The following NLRC4 variants were observed in gnomAD, a reference collection of about 807,000 sequenced individuals.
NLRC4 encodes NLR family CARD domain-containing protein 4.
Under a neutral mutation model 79.9 loss-of-function variants are expected in NLRC4, and 63 were observed. That is an observed-to-expected ratio of 0.79 (90% CI 0.64 to 0.97). NLRC4 has a LOEUF of 0.97. Ranked by LOEUF, NLRC4 falls within the 50% of genes least tolerant of loss-of-function variation. The pLI is 0.00. For synonymous variants in NLRC4, 461 were observed against 456.5 expected (o/e 1.01, Z -0.12); for missense variants, 1,074 against 1,215.2 (o/e 0.88, Z 1.73).
At chr2:32,243,889 T>C (rs1332488647) in intron 4 of NLRC4, among the ~76,000 whole-genome samples, 3 of 151,804 alleles carry the variant, frequency 2.0e-5, no homozygotes, top group Non-Finnish European at 2.9e-5. Flanking sequence ...ATCCATATAA[T>C]TCATTATATT....
In NLRC4 at chr2:32,243,238, G is replaced by A. The variant is rs141251725; in HGVS notation, c.2258-2113C>T. Among the ~76,000 whole-genome samples, 1,016 of 151,264 alleles carry A rather than the reference G, an allele frequency of 6.7e-3. 15 individuals are homozygous for A. Among genetic ancestry groups the A allele is most frequent in the African/African-American group, 0.024 (978 of 41,182 alleles). ...AGCCTGGCCAACATGGTGAAACTCCGTCTCTACTAAAAATACAAAAAATCA... is the reference window on the plus strand; with the variant it reads ...AGCCTGGCCAACATGGTGAAACTCCATCTCTACTAAAAATACAAAAAATCA... On this transcript the variant is annotated intron_variant, in intron 4 of 8. Transcript: ENST00000402280.
chr2:32,262,652 T>C (rs1687378521), intron 1 of NLRC4, among the ~76,000 whole-genome samples: 1 of 152,044 alleles, frequency 6.6e-6, no homozygotes, highest in Admixed American at 6.6e-5. Context: ...GGTGCACACC[T>C]GTAATCCCAG....
intron 1 of NLRC4, among the ~76,000 whole-genome samples, chr2:32,257,341 C>T (rs1416334421): frequency 1.3e-5 from 2 of 152,180 alleles, no homozygotes; most frequent in East Asian, 3.9e-4. Context: ...GGCGCGGTGG[C>T]TCACGCCTGT....
At chr2:32,231,496 A>C (rs1686531558) in intron 8 of NLRC4, among the ~76,000 whole-genome samples, 1 of 143,692 alleles carries the variant, frequency 7.0e-6, no homozygotes, top group Non-Finnish European at 1.5e-5. Flanking sequence ...GTCCTTTATT[A>C]GATAATGTGA....
At chr2:32,226,384 G>A (rs1401295715) in intron 8 of NLRC4, among the ~76,000 whole-genome samples, 2 of 152,200 alleles carry the variant, frequency 1.3e-5, no homozygotes, top group Non-Finnish European at 2.9e-5. Flanking sequence ...ATAAGGTCTT[G>A]AGTTTCGAAA....
intron 4 of NLRC4, among the ~76,000 whole-genome samples, chr2:32,248,380 G>A (rs1686987868): frequency 1.3e-5 from 2 of 152,130 alleles, no homozygotes; most frequent in South Asian, 4.1e-4. Flanking sequence ...TGTATGGTTT[G>A]AACACAACTC....
chr2:32,239,509 C>G (rs1686748043), intron 5 of NLRC4, among the ~76,000 whole-genome samples: 1 of 152,096 alleles, frequency 6.6e-6, no homozygotes, highest in Non-Finnish European at 1.5e-5. Context: ...TAATTATAAA[C>G]TTGGGCAAGT....
rs373671221 is a variant in NLRC4 at position 32,243,664 on chromosome 2, G to A, written c.2258-2539C>T. ...AAAATACAAAAATTAGCTGGGCGTG[G>A]TGGCGCGCCTGTAGTCCCAGCTACT... On this transcript the variant is annotated intron_variant, in intron 4 of 8. Coordinates refer to ENST00000402280, the MANE Select transcript of NLRC4 (RefSeq NM_001199138.2). Among the ~76,000 whole-genome samples the A allele has an allele frequency of 2.4e-4, 36 of 151,336 alleles. 1 individual carries two copies. The East Asian group carries it at 4.1e-3, about 17-fold the overall frequency.
At chr2:32,227,478 A>G (rs1686431682) in intron 8 of NLRC4, among the ~76,000 whole-genome samples, 1 of 152,136 alleles carries the variant, frequency 6.6e-6, no homozygotes, top group East Asian at 1.9e-4. Flanking sequence ...GCTTCCCAGC[A>G]TGGCATGCAC....
chr2:32,225,451 A>C (rs1054124620), intron 8 of NLRC4, among the ~76,000 whole-genome samples: 4 of 151,844 alleles, frequency 2.6e-5, no homozygotes, highest in African/African-American at 9.7e-5. Context: ...GTGTGTATAC[A>C]TACACAAATA....
Position 32,250,858 on chromosome 2 carries a change from T to A in NLRC4, c.1006A>T (p.Lys336Ter), listed in dbSNP as rs779104105. The A allele has an allele frequency of 5.6e-6, 9 of 1,614,194 alleles. 1 individual carries two copies. In the South Asian group the frequency reaches 9.9e-5, roughly 18 times the overall value. The change falls in exon 4 of 9, where the codon AAG becomes TAG. Residue 336 changes from lysine to a stop codon, truncating the protein, a stop_gained. Transcript: ENST00000402280. LOFTEE classifies it high-confidence loss of function. The surrounding 1 kb of genome is among the most constrained non-coding windows in gnomAD (Gnocchi z 4.9). ...QKSRCLRNLM[K>*]TPLFVVITCA... ...GTGATGACCACAAAGAGAGGGGTCT[T>A]CATGAGATTCCTCAAGCACCTGGAT...
Position 32,238,128 on chromosome 2 carries a change from T to G in NLRC4, c.2521+4A>C. On this transcript the variant is annotated splice_donor_region_variant and intron_variant, in intron 6 of 8. Transcript: ENST00000402280. ...CTCATTCAGTTAATGGAAGCAACAGTTACCTAGGATTTTCACTGCATTTGC... is the reference window on the plus strand; with the variant it reads ...CTCATTCAGTTAATGGAAGCAACAGGTACCTAGGATTTTCACTGCATTTGC... 1 of 1,611,882 alleles carries G rather than the reference T, an allele frequency of 6.2e-7. No individual in the cohort carries two copies. The highest frequency in any genetic ancestry group is 1.1e-5 in the South Asian group (1 of 90,754).
At chr2:32,261,315 C>T (rs79698160) in intron 1 of NLRC4, among the ~76,000 whole-genome samples, 10,532 of 81,498 alleles carry the variant, frequency 0.13, 776 homozygotes, top group Middle Eastern at 0.24. Context: ...AAGCCTCCCC[C>T]CTTTTGTTTT....
Position 32,251,060 on chromosome 2 carries a change from G to A in NLRC4, c.804C>T (p.Asn268=), listed in dbSNP as rs1687064992. 1.2e-6 allele frequency: 2 copies of A among 1,614,012 alleles called. No homozygotes were observed. Among genetic ancestry groups the A allele is most frequent in the South Asian group, 2.2e-5 (2 of 91,080 alleles). The change falls in exon 4 of 9, where the codon AAC becomes AAT. Residue 268 remains asparagine, a synonymous_variant. Transcript: ENST00000402280. The part of the protein sequence containing the change: ...CPEIEALIKE[N]HRFKNMVIVT... ...CGATGACCATGTTCTTGAAGCGGTG[G>A]TTTTCCTTTATCAGGGCTTCGATTT...
rs978848299 is a variant in NLRC4, at chr2:32,252,815, G to A, written c.2-136C>T. ...GGGCAGATCACGAGGTCAGGAGATC[G>A]AGACCATCCTGGCTAACACAGTGAA... On this transcript the variant is annotated intron_variant, in intron 2 of 8. Transcript: ENST00000402280. The A allele has an allele frequency of 1.1e-5, 7 of 652,316 alleles. No homozygotes were observed. The East Asian group carries it at 1.4e-4, about 13-fold the overall frequency. The allele number at this position is 652,316 out of a possible 1,614,324, so 40.4% of individuals were successfully genotyped here. A position where few individuals can be genotyped will look rare whatever the true frequency, so the allele number is the denominator to read the frequency against.
intron 7 of NLRC4, 88 bp from the exon 8 acceptor site, chr2:32,235,656 G>C: frequency 1.8e-6 from 2 of 1,115,440 alleles, no homozygotes; most frequent in Admixed American, 2.5e-5. Context: ...TGATCTTTAT[G>C]TTTGGTGGCT....
intron 8 of NLRC4, among the ~76,000 whole-genome samples, chr2:32,233,134 G>GAGGAAGGAAGGAAGGA (rs763764067): frequency 4.2e-4 from 14 of 33,702 alleles, no homozygotes; most frequent in South Asian, 3.0e-3. Flanking sequence ...GTGGGGGAGG[G>GAGGAAGGAAGGAAGGA]AGGAAGGAAG....
chr2:32,228,058 T>C (rs1433855554), intron 8 of NLRC4, among the ~76,000 whole-genome samples: 1 of 152,224 alleles, frequency 6.6e-6, no homozygotes, highest in Non-Finnish European at 1.5e-5. Flanking sequence ...ACATCTTTAG[T>C]GCTACTATGT....
intron 8 of NLRC4, among the ~76,000 whole-genome samples, chr2:32,231,807 A>T (rs192204531): frequency 4.6e-4 from 69 of 150,152 alleles, no homozygotes; most frequent in Admixed American, 2.0e-3. Flanking sequence ...CAATCTGCCC[A>T]CTTCGGCCTC....
Sources: gnomAD v4.1 joint callset for allele counts (sites outside exome capture counted in the v4.1 genomes callset) on GRCh38, gnomAD v4.1.1 for gene constraint, Gnocchi (gnomAD v3.1) non-coding constraint, MANE v1.5 for transcripts, NCBI Gene and HGNC (gene_info 2026-07-23, HGNC 2026-07-21) for gene names.